Variants in CPQ observed in about 807,000 individuals in gnomAD.
CPQ encodes Ser-Met dipeptidase.
CPQ carries 37 observed loss-of-function variants against 45.7 expected under a neutral mutation model. That is an observed-to-expected ratio of 0.81 (90% CI 0.62 to 1.07). CPQ has a LOEUF of 1.07. CPQ is among the 50% of genes least tolerant of loss of function. The pLI is 0.00. For missense variants in CPQ, 537 were observed against 572.9 expected (o/e 0.94, Z 0.64); for synonymous variants, 186 against 205.8 (o/e 0.90, Z 0.82).
chr8:96,850,763 C>G (rs1302810358), intron 3 of CPQ, among the ~76,000 whole-genome samples: 1 of 152,014 alleles, frequency 6.6e-6, no homozygotes, highest in Non-Finnish European at 1.5e-5. Context: ...GCATGTGCCA[C>G]CACACCTGGC....
intron 5 of CPQ, among the ~76,000 whole-genome samples, chr8:97,021,422 G>A (rs908848001): frequency 3.3e-5 from 5 of 151,324 alleles, no homozygotes; most frequent in Non-Finnish European, 3.0e-5. Context: ...TGGGACTCCC[G>A]CTGTCTGCTG....
chr8:97,089,017 G>A (rs1187512781), intron 7 of CPQ, among the ~76,000 whole-genome samples: 1 of 152,118 alleles, frequency 6.6e-6, no homozygotes. Context: ...GCCAAGGCGG[G>A]TGGATCACCT....
chr8:96,838,988 A>T (rs1453185380), intron 3 of CPQ, among the ~76,000 whole-genome samples: 1 of 152,104 alleles, frequency 6.6e-6, no homozygotes, highest in Non-Finnish European at 1.5e-5. Context: ...GATTAAGGAA[A>T]ATAGCTCCCT....
At chr8:96,874,489 C>T (rs181835257) in intron 3 of CPQ, among the ~76,000 whole-genome samples, 66 of 151,902 alleles carry the variant, frequency 4.3e-4, no homozygotes, top group Non-Finnish European at 6.9e-4. Flanking sequence ...CCTGGGCAAC[C>T]TAAAATTTAC....
chr8:96,843,121 G>T (rs527741280), intron 3 of CPQ, among the ~76,000 whole-genome samples: 72 of 152,174 alleles, frequency 4.7e-4, no homozygotes, highest in African/African-American at 1.6e-3. Context: ...TGGCCAGGCT[G>T]GTCTTGAACT....
At chr8:96,648,378 C>T (rs1815540762) in intron 1 of CPQ, among the ~76,000 whole-genome samples, 1 of 152,110 alleles carries the variant, frequency 6.6e-6, no homozygotes, top group Non-Finnish European at 1.5e-5. Context: ...CTTTCTTCTC[C>T]CCTACCCTCC....
chr8:96,869,498 A>G (rs1812038232), intron 3 of CPQ, among the ~76,000 whole-genome samples: 1 of 152,082 alleles, frequency 6.6e-6, no homozygotes, highest in African/African-American at 2.4e-5. Flanking sequence ...GATAGCAGGG[A>G]CTGATTCTTT....
At chr8:96,763,054 C>G (rs895888214) in intron 1 of CPQ, among the ~76,000 whole-genome samples, 3 of 152,102 alleles carry the variant, frequency 2.0e-5, no homozygotes, top group African/African-American at 7.2e-5. Flanking sequence ...AGATGGCCAT[C>G]TTCTCCTTAT....
At chr8:97,035,550 G>A (rs528559598) in intron 6 of CPQ, among the ~76,000 whole-genome samples, 3 of 152,006 alleles carry the variant, frequency 2.0e-5, no homozygotes, top group Non-Finnish European at 4.4e-5. Context: ...TTTATTTTTA[G>A]CCATTCTTAT....
intron 2 of CPQ, among the ~76,000 whole-genome samples, 160 bp downstream of exon 2, chr8:96,785,490 C>T (rs1218234497): frequency 6.6e-6 from 1 of 152,038 alleles, no homozygotes; most frequent in Admixed American, 6.6e-5. Flanking sequence ...TTTTTTACTT[C>T]TGTTTCTTTT....
chr8:96,707,262 A>T (rs1475639065), intron 1 of CPQ, among the ~76,000 whole-genome samples: 7 of 152,128 alleles, frequency 4.6e-5, no homozygotes, highest in African/African-American at 1.7e-4. Flanking sequence ...AGCCACAAGG[A>T]GCTGATGAGC....
At chr8:97,078,861 A>G (rs1810899986) in intron 7 of CPQ, among the ~76,000 whole-genome samples, 1 of 150,626 alleles carries the variant, frequency 6.6e-6, no homozygotes, top group South Asian at 2.1e-4. Flanking sequence ...GCAAAAGTAC[A>G]TTCATAGCTC....
chr8:96,756,786 A>G (rs1810331432), intron 1 of CPQ, among the ~76,000 whole-genome samples: 1 of 152,170 alleles, frequency 6.6e-6, no homozygotes, highest in Non-Finnish European at 1.5e-5. Flanking sequence ...TTTAGTAAGT[A>G]TCACTCTATT....
intron 1 of CPQ, among the ~76,000 whole-genome samples, chr8:96,702,702 A>AAGTGGTAGAGCTTG (rs1428236007): frequency 2.0e-5 from 3 of 152,192 alleles, no homozygotes; most frequent in Non-Finnish European, 4.4e-5. Context: ...CACAGCTAGT[A>AAGTGGTAGAGCTTG]AGTGGTAGAG....
chr8:97,049,711 G>A (rs952760130), intron 6 of CPQ, among the ~76,000 whole-genome samples: 1 of 152,092 alleles, frequency 6.6e-6, no homozygotes, highest in Admixed American at 6.5e-5. Flanking sequence ...AAATGCACAG[G>A]GGTTTTTAAA....
intron 3 of CPQ, among the ~76,000 whole-genome samples, chr8:96,873,218 T>C (rs1325639550): frequency 6.6e-6 from 1 of 151,858 alleles, no homozygotes; most frequent in Non-Finnish European, 1.5e-5. Context: ...ATAATTTGAC[T>C]TTTTCTTGCC....
intron 4 of CPQ, among the ~76,000 whole-genome samples, chr8:96,947,398 A>G (rs1261203653): frequency 6.6e-6 from 1 of 151,840 alleles, no homozygotes; most frequent in East Asian, 1.9e-4. Context: ...ATGTATCCCC[A>G]TTGTCTCCTA....
chr8:96,729,351 C>T (rs1374222507), intron 1 of CPQ, among the ~76,000 whole-genome samples: 1 of 152,192 alleles, frequency 6.6e-6, no homozygotes, highest in Non-Finnish European at 1.5e-5. Flanking sequence ...ATTGTAGCCA[C>T]TTGTCCTATG....
chr8:96,915,950 T>C (rs1812727439), intron 4 of CPQ, among the ~76,000 whole-genome samples: 1 of 152,178 alleles, frequency 6.6e-6, no homozygotes, highest in African/African-American at 2.4e-5. Flanking sequence ...CATGATTCAG[T>C]TGAGGCTATC....
Sources: allele counts gnomAD v4.1 joint callset (sites outside exome capture counted in the v4.1 genomes callset), GRCh38; gene constraint gnomAD v4.1.1; transcripts MANE v1.5; gene names NCBI Gene and HGNC (gene_info 2026-07-23, HGNC 2026-07-21).